The following ARHGEF3 variants were observed in gnomAD, a reference collection of about 807,000 sequenced individuals.
ARHGEF3 encodes the protein 59.8 kDA protein.
ARHGEF3 carries 28 observed loss-of-function variants against 63.2 expected under a neutral mutation model. The observed-to-expected ratio is 0.44, with a 90% CI of 0.33 to 0.61. ARHGEF3 has a LOEUF of 0.61. ARHGEF3 is among the 20% of genes least tolerant of loss of function. The pLI is 0.03. For synonymous variants in ARHGEF3, 266 were observed against 254.2 expected, an observed-to-expected ratio of 1.05 and a Z score of -0.44; for missense variants, 533 against 659.3, an observed-to-expected ratio of 0.81 and a Z score of 2.10.
intron 2 of ARHGEF3, among the ~76,000 whole-genome samples, chr3:57,026,224 A>C (rs1182777863): frequency 6.6e-6 from 1 of 152,148 alleles, no homozygotes; most frequent in East Asian, 1.9e-4. Flanking sequence ...ACATAGTGAG[A>C]GTCCATCTAT....
At chr3:56,766,935 C>T (rs2035734458) in intron 2 of ARHGEF3, among the ~76,000 whole-genome samples, 1 of 152,102 alleles carries the variant, frequency 6.6e-6, no homozygotes, top group Non-Finnish European at 1.5e-5. Flanking sequence ...GATGAAAAAA[C>T]AGAAACAAAT....
At position 56,837,866 on chromosome 3, in the gene ARHGEF3, G is replaced by T. The variant is rs2039170780; in HGVS notation, c.192+44426C>A. Among the ~76,000 whole-genome samples the T allele has an allele frequency of 1.3e-5, 2 of 152,148 alleles. 1 individual carries two copies. Among genetic ancestry groups the T allele is most frequent in the South Asian group, 4.1e-4 (2 of 4,826 alleles). ...GCCACCTGAACAACATGCTAGAACGGCAGGATTACAAGCTTCCTCCAGCAG... is the reference window on the plus strand; with the variant it reads ...GCCACCTGAACAACATGCTAGAACGTCAGGATTACAAGCTTCCTCCAGCAG... On this transcript the variant is annotated intron_variant, in intron 4 of 12. Transcript: ENST00000338458.
intron 2 of ARHGEF3, among the ~76,000 whole-genome samples, chr3:57,014,062 C>G (rs1265626159): frequency 1.3e-5 from 2 of 152,162 alleles, no homozygotes; most frequent in Admixed American, 6.5e-5. Context: ...GAGCTTCACT[C>G]TTAAAGCCAG....
At chr3:56,949,762 C>G (rs1471899890) in intron 3 of ARHGEF3, among the ~76,000 whole-genome samples, 1 of 152,094 alleles carries the variant, frequency 6.6e-6, no homozygotes, top group South Asian at 2.1e-4. Flanking sequence ...ATTTTCTTCA[C>G]AGAATTGGAA....
In ARHGEF3 at chr3:57,000,999, G is replaced by A. The variant is rs542399136; in HGVS notation, c.62+34089C>T. 1.6e-3 allele frequency among the ~76,000 whole-genome samples: 250 copies of A among 152,054 alleles called. 1 individual carries two copies. Among genetic ancestry groups the A allele is most frequent in the Non-Finnish European group, 2.8e-3 (187 of 67,992 alleles). Reference sequence around the variant, plus strand: ...TTGTTGCCCAGGCTAGAGTGCAGTGGCACTATCATAAGTCACTGCAGCCTC... The same window carrying A: ...TTGTTGCCCAGGCTAGAGTGCAGTGACACTATCATAAGTCACTGCAGCCTC... On this transcript the variant is annotated intron_variant, in intron 2 of 12. Transcript: ENST00000338458.
intron 4 of ARHGEF3, among the ~76,000 whole-genome samples, chr3:56,827,766 A>C (rs1446928079): frequency 1.4e-4 from 17 of 125,794 alleles, no homozygotes; most frequent in African/African-American, 4.8e-4. Context: ...AAAAAAAAAA[A>C]AAAAAAACAG....
At chr3:57,004,721 T>C (rs1702403402) in intron 2 of ARHGEF3, among the ~76,000 whole-genome samples, 4 of 152,182 alleles carry the variant, frequency 2.6e-5, no homozygotes. Flanking sequence ...AATCCAGCAC[T>C]TTGGAAGGCT....
intron 2 of ARHGEF3, among the ~76,000 whole-genome samples, chr3:56,758,516 C>T (rs936519136): frequency 2.6e-5 from 4 of 152,104 alleles, no homozygotes; most frequent in African/African-American, 9.7e-5. Flanking sequence ...GGTATTACCA[C>T]AACCTTCTGG....
intron 3 of ARHGEF3, among the ~76,000 whole-genome samples, chr3:56,952,878 C>T (rs1022869420): frequency 6.6e-6 from 1 of 152,144 alleles, no homozygotes; most frequent in African/African-American, 2.4e-5. Context: ...AAGTTCTTCA[C>T]GTCTAACCTC....
intron 1 of ARHGEF3, among the ~76,000 whole-genome samples, chr3:57,053,407 C>T (rs1005199034): frequency 3.3e-5 from 5 of 152,174 alleles, no homozygotes; most frequent in African/African-American, 1.2e-4. Flanking sequence ...TCCCCTCCAG[C>T]CTGCCCTGCC....
chr3:56,836,708 T>C (rs778545152), intron 4 of ARHGEF3, among the ~76,000 whole-genome samples: 1 of 152,096 alleles, frequency 6.6e-6, no homozygotes, highest in Non-Finnish European at 1.5e-5. Flanking sequence ...GGAGGATCGT[T>C]TGAGCCCAGG....
chr3:56,777,504 A>C (rs1224119545), intron 1 of ARHGEF3, among the ~76,000 whole-genome samples: 1 of 152,200 alleles, frequency 6.6e-6, no homozygotes, highest in Non-Finnish European at 1.5e-5. Flanking sequence ...TAGGGGATAC[A>C]ATGATTTTTA....
chr3:56,815,775 T>C (rs751038867), intron 4 of ARHGEF3, among the ~76,000 whole-genome samples: 3 of 152,236 alleles, frequency 2.0e-5, no homozygotes, highest in Admixed American at 6.5e-5. Flanking sequence ...AGGCCTGTTA[T>C]GACTATGAGA....
At chr3:56,770,037 G>A (rs990494655) in intron 2 of ARHGEF3, among the ~76,000 whole-genome samples, 1 of 152,126 alleles carries the variant, frequency 6.6e-6, no homozygotes, top group African/African-American at 2.4e-5. Context: ...AGACAAAATC[G>A]GAGAGGATGT....
chr3:56,761,014 G>A (rs758242499), intron 2 of ARHGEF3, among the ~76,000 whole-genome samples: 1 of 152,184 alleles, frequency 6.6e-6, no homozygotes, highest in Non-Finnish European at 1.5e-5. Flanking sequence ...ACTGACACCT[G>A]TAAGTCTAGC....
At chr3:56,861,396 T>C (rs1213230638) in intron 4 of ARHGEF3, among the ~76,000 whole-genome samples, 12 of 152,188 alleles carry the variant, frequency 7.9e-5, no homozygotes, top group African/African-American at 2.2e-4. Context: ...CTAGGTTTGG[T>C]AGAAAACCAA....
In ARHGEF3 at chr3:56,728,777, A is replaced by G. The variant is rs1359609461; in HGVS notation, c.*493T>C. The G allele has an allele frequency of 1.9e-5, 3 of 154,128 alleles. No homozygotes were observed. Among genetic ancestry groups the G allele is most frequent in the Non-Finnish European group, 2.9e-5 (2 of 69,330 alleles). 9.5% of individuals were successfully genotyped at this position (154,128 alleles called of 1,614,324 possible). ...AGTTGAGTAAGATCAAACCAAGTTC[A>G]CTTCATGAGTTGGTCTTTCCTGATT... On this transcript the variant is annotated 3_prime_UTR_variant, in exon 10 of 10. Coordinates refer to ENST00000296315, the MANE Select transcript of ARHGEF3 (RefSeq NM_019555.3).
intron 2 of ARHGEF3, among the ~76,000 whole-genome samples, chr3:57,025,375 A>T (rs1434218521): frequency 6.6e-6 from 1 of 152,234 alleles, no homozygotes; most frequent in East Asian, 1.9e-4. Flanking sequence ...CATGTGACCT[A>T]GTCCCACCCG....
intron 6 of ARHGEF3, among the ~76,000 whole-genome samples, chr3:56,747,178 C>T (rs986066347): frequency 6.6e-6 from 1 of 152,040 alleles, no homozygotes; most frequent in South Asian, 2.1e-4. Context: ...CATTTAATTT[C>T]CACTTCCTCA....
Sources: allele counts gnomAD v4.1 joint callset (sites outside exome capture counted in the v4.1 genomes callset), GRCh38; gene constraint gnomAD v4.1.1; transcripts MANE v1.5; gene names NCBI Gene and HGNC (gene_info 2026-07-23, HGNC 2026-07-21).